The following LOXL2 variants were observed in gnomAD, a reference collection of about 807,000 sequenced individuals.
The protein encoded by LOXL2 is lysyl oxidase like 2, also known as lysyl oxidase homolog 2.
LOXL2 carries 70 observed loss-of-function variants against 93.0 expected under a neutral mutation model. That is an observed-to-expected ratio of 0.75 (90% CI 0.62 to 0.92). LOXL2 has a LOEUF of 0.92. Ranked by LOEUF, LOXL2 falls within the 40% of genes least tolerant of loss-of-function variation. LOXL2 has a pLI of 0.00. For missense variants in LOXL2, 973 were observed against 1,054.9 expected, an observed-to-expected ratio of 0.92 and a Z score of 1.08; for synonymous variants, 438 against 413.2, an observed-to-expected ratio of 1.06 and a Z score of -0.73.
chr8:23,302,207 C>T (rs996665582), intron 11 of LOXL2, 44 bp from the exon 12 acceptor site: 2 of 1,608,692 alleles, frequency 1.2e-6, no homozygotes, highest in Admixed American at 1.7e-5. Flanking sequence ...GGAACCATGG[C>T]CCCACTGCCG....
At chr8:23,338,068 A>G (rs1268187580) in intron 4 of LOXL2, among the ~76,000 whole-genome samples, 1 of 152,254 alleles carries the variant, frequency 6.6e-6, no homozygotes, top group Non-Finnish European at 1.5e-5. Flanking sequence ...AAGGAGGAAC[A>G]AAGGCACGTC....
chr8:23,314,537 G>A (rs1356975782), intron 9 of LOXL2, among the ~76,000 whole-genome samples: 11 of 138,768 alleles, frequency 7.9e-5, no homozygotes, highest in Admixed American at 1.6e-4. Context: ...GTAAACTATC[G>A]CAAGAACAAA....
At position 23,380,406 on chromosome 8, in the gene LOXL2, A is replaced by AAAG. The variant is rs1804665713; in HGVS notation, c.-83-11973_-83-11972insCTT. Among the ~76,000 whole-genome samples the AAAG allele has an allele frequency of 1.2e-4, 15 of 128,490 alleles. 1 individual carries two copies. In the South Asian group the frequency reaches 2.1e-3, roughly 18 times the overall value. The allele number at this position is 128,490 out of a possible 152,430, so 84.3% of individuals were successfully genotyped here. A position where few individuals can be genotyped will look rare whatever the true frequency, so the allele number is the denominator to read the frequency against. On this transcript the variant is annotated intron_variant, in intron 1 of 13. Transcript: ENST00000389131. ...GACTCCGTCTCAAAAAAAAAAAAAAAAAAAAGACATCTTAATCTGTGGATT... is the reference window on the plus strand; with the variant it reads ...GACTCCGTCTCAAAAAAAAAAAAAAAAAGAAAAAGACATCTTAATCTGTGGATT...
chr8:23,336,727 G>C (rs1045344579), intron 4 of LOXL2: 12 of 152,202 alleles, frequency 7.9e-5, no homozygotes, highest in African/African-American at 2.9e-4. Context: ...TCAGATGGAC[G>C]TAAGCTAAAA....
chr8:23,382,991 G>A (rs1276155766), intron 1 of LOXL2, among the ~76,000 whole-genome samples: 1 of 152,112 alleles, frequency 6.6e-6, no homozygotes, highest in African/African-American at 2.4e-5. Context: ...CTTCTCCAGG[G>A]CTGCTCCACC....
At chr8:23,330,864 G>A (rs1256904795) in intron 5 of LOXL2, among the ~76,000 whole-genome samples, 5 of 152,058 alleles carry the variant, frequency 3.3e-5, no homozygotes, top group Non-Finnish European at 7.4e-5. Context: ...CTGTCCAGGC[G>A]TGTCCTGGAG....
chr8:23,353,388 A>C (rs1039827754), intron 3 of LOXL2, among the ~76,000 whole-genome samples: 10 of 136,886 alleles, frequency 7.3e-5, no homozygotes, highest in Non-Finnish European at 1.3e-4. Flanking sequence ...TCCTTTTAAG[A>C]AAGTTTTGAG....
At chr8:23,320,713 G>A (rs1191931461) in intron 7 of LOXL2, among the ~76,000 whole-genome samples, 1 of 152,110 alleles carries the variant, frequency 6.6e-6, no homozygotes, top group Non-Finnish European at 1.5e-5. Context: ...TTTGAGACCA[G>A]CCTGCGCAAC....
At chr8:23,311,534 C>T (rs1158389874) in intron 9 of LOXL2, among the ~76,000 whole-genome samples, 4 of 152,198 alleles carry the variant, frequency 2.6e-5, no homozygotes, top group African/African-American at 7.2e-5. Context: ...TGGGCTCTCC[C>T]GCCAGCTCGC....
chr8:23,331,046 G>A lies in LOXL2; in HGVS notation c.966+2355C>T, dbSNP rs1803667320. Among the ~76,000 whole-genome samples, 3 of 152,170 alleles carry A rather than the reference G, an allele frequency of 2.0e-5. No homozygotes were observed. The South Asian group carries it at 6.2e-4, about 31-fold the overall frequency. On this transcript the variant is annotated intron_variant, in intron 5 of 13. Transcript: ENST00000389131. Reference sequence around the variant, plus strand: ...TTTCACTCCTCTCACTGAAGGCTCAGTCTTTTGTTCAAATCTCCACCAAGC... The same window carrying A: ...TTTCACTCCTCTCACTGAAGGCTCAATCTTTTGTTCAAATCTCCACCAAGC...
chr8:23,323,715 G>C (rs1177348362), intron 6 of LOXL2, among the ~76,000 whole-genome samples: 1 of 151,242 alleles, frequency 6.6e-6, no homozygotes, highest in Non-Finnish European at 1.5e-5. Context: ...TGGGGGGGTG[G>C]GGGTGGGACG....
At chr8:23,302,609 T>C (rs993931436) in intron 11 of LOXL2, among the ~76,000 whole-genome samples, 1 of 152,236 alleles carries the variant, frequency 6.6e-6, no homozygotes, top group Non-Finnish European at 1.5e-5. Context: ...GGTCAACACC[T>C]GTCTGCTGTG....
chr8:23,378,890 T>C (rs1281046192), intron 1 of LOXL2, among the ~76,000 whole-genome samples: 1 of 152,230 alleles, frequency 6.6e-6, no homozygotes, highest in East Asian at 1.9e-4. Context: ...AAATTCCTCC[T>C]TTAGCTTGGA....
intron 11 of LOXL2, among the ~76,000 whole-genome samples, chr8:23,303,048 G>A (rs544398986): frequency 2.0e-5 from 3 of 152,216 alleles, no homozygotes; most frequent in East Asian, 3.9e-4. Context: ...GAGGCCCTGT[G>A]GACCGACCAG....
At chr8:23,387,015 C>G (rs1175926285) in intron 1 of LOXL2, among the ~76,000 whole-genome samples, 1 of 152,112 alleles carries the variant, frequency 6.6e-6, no homozygotes, top group African/African-American at 2.4e-5. Context: ...GGCAGATGGC[C>G]TTAATTATTC....
chr8:23,335,539 A>G (rs1803775080), intron 4 of LOXL2, among the ~76,000 whole-genome samples: 3 of 152,200 alleles, frequency 2.0e-5, no homozygotes, highest in Admixed American at 2.0e-4. Context: ...GGGAGACTTT[A>G]CGGAAGAGAA....
At chr8:23,304,120 G>A (rs1429431812) in intron 10 of LOXL2, among the ~76,000 whole-genome samples, 1 of 150,004 alleles carries the variant, frequency 6.7e-6, no homozygotes, top group East Asian at 1.9e-4. Context: ...CTCATCCTCA[G>A]GGGCACACAG....
chr8:23,398,064 C>A (rs960736949), intron 1 of LOXL2, among the ~76,000 whole-genome samples: 5 of 151,708 alleles, frequency 3.3e-5, no homozygotes, highest in Non-Finnish European at 7.4e-5. Context: ...ACTACATCTT[C>A]GAGTCATGCA....
At chr8:23,328,925 A>G (rs4523258) in intron 5 of LOXL2, 134,367 of 200,206 alleles carry the variant, frequency 0.67, 46,331 homozygotes, top group Non-Finnish European at 0.73. Context: ...CACGTCCCCC[A>G]CCAACTCCAG....
Sources: gnomAD v4.1 joint callset for allele counts (sites outside exome capture counted in the v4.1 genomes callset) on GRCh38, gnomAD v4.1.1 for gene constraint, MANE v1.5 for transcripts, NCBI Gene and HGNC (gene_info 2026-07-23, HGNC 2026-07-21) for gene names.